CARMIL1: variants seen among roughly 807,000 people sequenced by gnomAD.
CARMIL1 encodes the protein F-actin-uncapping protein LRRC16A.
A neutral mutation model predicts 177.1 loss-of-function variants in CARMIL1; 90 were observed. The observed-to-expected ratio is 0.51, with a 90% CI of 0.43 to 0.61. The LOEUF is 0.61. CARMIL1 is among the 20% of genes least tolerant of loss of function. The pLI is 0.00. For synonymous variants in CARMIL1, 577 were observed against 606.2 expected (o/e 0.95, Z 0.71); for missense variants, 1,380 against 1,667.0 (o/e 0.83, Z 3.00).
intron 16 of CARMIL1, 146 bp downstream of exon 16, chr6:25,495,361 T>G: frequency 1.8e-6 from 1 of 550,648 alleles, no homozygotes; most frequent in Non-Finnish European, 3.2e-6. Flanking sequence ...AAAAATAAAT[T>G]AAAATTTTAA....
chr6:25,580,800 T>A, intron 29 of CARMIL1, 124 bp from the exon 30 acceptor site: 1 of 700,672 alleles, frequency 1.4e-6, no homozygotes, highest in South Asian at 1.9e-5. Flanking sequence ...AGGTTTTCAA[T>A]CATCTTCTAA....
chr6:25,388,318 A>T (rs1417325757), intron 2 of CARMIL1: 2 of 152,196 alleles, frequency 1.3e-5, no homozygotes, highest in Non-Finnish European at 2.9e-5. Context: ...TTTAGCACAC[A>T]CAACAGTTTT....
At chr6:25,311,944 T>C (rs1783855576) in intron 2 of CARMIL1, among the ~76,000 whole-genome samples, 1 of 152,210 alleles carries the variant, frequency 6.6e-6, no homozygotes, top group Non-Finnish European at 1.5e-5. Flanking sequence ...ACATTATTTT[T>C]CTCTTAGTCA....
intron 2 of CARMIL1, among the ~76,000 whole-genome samples, chr6:25,338,347 C>A (rs12204267): frequency 0.43 from 64,987 of 151,664 alleles, 14,093 homozygotes; most frequent in African/African-American, 0.51. Context: ...ATGTTACAGG[C>A]GTACAATGCT....
chr6:25,392,053 CATGTGTGTGTGTGT>C lies in CARMIL1; in HGVS notation c.139-28060_139-28047del, dbSNP rs1562076689. Among the ~76,000 whole-genome samples the C allele has an allele frequency of 7.2e-3, 771 of 107,638 alleles. 7 individuals carry two copies. The highest frequency in any genetic ancestry group is 0.021 in the African/African-American group (480 of 22,498). 70.6% of individuals were successfully genotyped at this position (107,638 alleles called of 152,430 possible). A position where few individuals can be genotyped will look rare whatever the true frequency, so the allele number is the denominator to read the frequency against. Reference sequence around the variant, plus strand: ...GTGTGTATGCATGTGTGTGTATATGCATGTGTGTGTGTGTGTGTGTGTGTGTGTGTGTGTGTGTG... The same window carrying C: ...GTGTGTATGCATGTGTGTGTATATGCGTGTGTGTGTGTGTGTGTGTGTGTG... On this transcript the variant is annotated intron_variant, in intron 2 of 36. Transcript: ENST00000329474.
At chr6:25,571,653 G>A (rs1812078329) in intron 29 of CARMIL1, among the ~76,000 whole-genome samples, 1 of 152,158 alleles carries the variant, frequency 6.6e-6, no homozygotes, top group Non-Finnish European at 1.5e-5. Flanking sequence ...CTAATCAAGG[G>A]ATCAAGGTCA....
chr6:25,396,773 C>T (rs1363271295), intron 2 of CARMIL1, among the ~76,000 whole-genome samples: 2 of 152,044 alleles, frequency 1.3e-5, no homozygotes, highest in Admixed American at 6.6e-5. Flanking sequence ...AAAACTGCCA[C>T]GGAATAATAA....
intron 11 of CARMIL1, among the ~76,000 whole-genome samples, chr6:25,478,328 C>G (rs1264423232): frequency 6.6e-6 from 1 of 152,100 alleles, no homozygotes; most frequent in Non-Finnish European, 1.5e-5. Context: ...GGGTTTAATT[C>G]CTGGCTTCAC....
intron 2 of CARMIL1, among the ~76,000 whole-genome samples, chr6:25,419,411 A>G (rs142545947): frequency 1.8e-4 from 27 of 152,284 alleles, no homozygotes; most frequent in African/African-American, 6.0e-4. Context: ...AGCTTCATGG[A>G]TGTGGGATCC....
chr6:25,420,448 A>G (rs1581879442), intron 3 of CARMIL1: 1 of 335,410 alleles, frequency 3.0e-6, no homozygotes, highest in South Asian at 4.8e-5. Context: ...ATCCCAAGAA[A>G]ATCAGTGAAG....
chr6:25,382,162 A>G (rs1243471583), intron 2 of CARMIL1, among the ~76,000 whole-genome samples: 1 of 152,148 alleles, frequency 6.6e-6, no homozygotes, highest in Admixed American at 6.5e-5. Flanking sequence ...CAGTGGCTCA[A>G]TCTCAGCTCA....
chr6:25,432,755 AGAG>A (rs954142456), intron 4 of CARMIL1, among the ~76,000 whole-genome samples: 4 of 152,188 alleles, frequency 2.6e-5, no homozygotes, highest in African/African-American at 9.6e-5. Context: ...TATTTCTGAC[AGAG>A]GAGAGAAAAA....
chr6:25,483,523 G>GCAC (rs940840822), intron 12 of CARMIL1, among the ~76,000 whole-genome samples: 6 of 151,462 alleles, frequency 4.0e-5, no homozygotes, highest in East Asian at 1.9e-4. Context: ...ACCAGTACCG[G>GCAC]CACCACCACC....
At chr6:25,525,560 G>A (rs968037837) in intron 23 of CARMIL1, among the ~76,000 whole-genome samples, 1 of 151,990 alleles carries the variant, frequency 6.6e-6, no homozygotes, top group African/African-American at 2.4e-5. Flanking sequence ...AGTATCAGAG[G>A]GAATAAAATA....
intron 2 of CARMIL1, among the ~76,000 whole-genome samples, chr6:25,307,171 G>A (rs116011107): frequency 1.2e-3 from 180 of 152,270 alleles, no homozygotes; most frequent in African/African-American, 4.0e-3. Flanking sequence ...GTGAGCCACC[G>A]CGCCCGGTCG....
intron 4 of CARMIL1, among the ~76,000 whole-genome samples, chr6:25,428,301 C>A (rs893757556): frequency 6.6e-6 from 1 of 152,068 alleles, no homozygotes; most frequent in African/African-American, 2.4e-5. Context: ...TGTTTCCTCA[C>A]TGAGCTTGTT....
chr6:25,477,677 C>G (rs1398321945), intron 11 of CARMIL1, among the ~76,000 whole-genome samples: 1 of 151,718 alleles, frequency 6.6e-6, no homozygotes. Context: ...GTACATTGTT[C>G]AGGGGAAACT....
At chr6:25,579,879 G>T (rs114886072) in intron 29 of CARMIL1, among the ~76,000 whole-genome samples, 1 of 152,286 alleles carries the variant, frequency 6.6e-6, no homozygotes, top group African/African-American at 2.4e-5. Context: ...TGGAGCTAAA[G>T]AATGTTTTTC....
intron 2 of CARMIL1, among the ~76,000 whole-genome samples, chr6:25,390,551 G>A (rs1290467133): frequency 6.6e-6 from 1 of 151,356 alleles, no homozygotes; most frequent in Non-Finnish European, 1.5e-5. Context: ...CCAACTTTTG[G>A]GCTCAAGCAA....
Sources: allele counts gnomAD v4.1 joint callset (sites outside exome capture counted in the v4.1 genomes callset), GRCh38; gene constraint gnomAD v4.1.1; transcripts MANE v1.5; gene names NCBI Gene and HGNC (gene_info 2026-07-23, HGNC 2026-07-21).